Variants in CBFA2T2 observed in about 807,000 individuals in gnomAD.
The protein encoded by CBFA2T2 is CBFA2/RUNX1 partner transcriptional co-repressor 2.
A neutral mutation model predicts 62.2 loss-of-function variants in CBFA2T2; 11 were observed. The ratio of observed to expected loss-of-function variants is 0.18; its 90% CI spans 0.11 to 0.29. The LOEUF (loss-of-function observed/expected upper bound fraction) is 0.29. CBFA2T2 is among the 10% of genes least tolerant of loss of function. The probability of loss-of-function intolerance (pLI) is 1.00; values close to 1 mark genes in which losing one functional copy is unlikely to be tolerated. For synonymous variants in CBFA2T2, 295 were observed against 287.5 expected (o/e 1.03, Z -0.27); for missense variants, 592 against 774.1 (o/e 0.76, Z 2.79).
At chr20:33,597,719 C>T (rs2014951439) in intron 1 of CBFA2T2, among the ~76,000 whole-genome samples, 1 of 152,220 alleles carries the variant, frequency 6.6e-6, no homozygotes, top group South Asian at 2.1e-4. Context: ...TCTCAGCTCA[C>T]TGCAACCTCC....
intron 1 of CBFA2T2, among the ~76,000 whole-genome samples, chr20:33,605,323 C>G (rs948670864): frequency 6.6e-6 from 1 of 152,158 alleles, no homozygotes; most frequent in African/African-American, 2.4e-5. Context: ...CCATTTTTTA[C>G]ACTTTAATTT....
rs772410805 is a variant in CBFA2T2, at chr20:33,494,892, CTGTCCTAGGTATGTT to C, written c.34+4593_34+4607del. Reference sequence around the variant, plus strand: ...GGATTACAGGCATGAGCCACCACGCCTGTCCTAGGTATGTTTTATAACATACAAAAATAGACATTT... The same window carrying C: ...GGATTACAGGCATGAGCCACCACGCCTTATAACATACAAAAATAGACATTT... On this transcript the variant is annotated intron_variant, in intron 1 of 10. Transcript: ENST00000342704. Among the ~76,000 whole-genome samples, 317 of 152,296 alleles carry C rather than the reference CTGTCCTAGGTATGTT, an allele frequency of 2.1e-3. 1 individual carries two copies. Among genetic ancestry groups the C allele is most frequent in the Non-Finnish European group, 4.0e-3 (270 of 68,024 alleles).
intron 1 of CBFA2T2, among the ~76,000 whole-genome samples, chr20:33,494,128 G>C (rs1469388849): frequency 1.3e-5 from 2 of 150,694 alleles, no homozygotes; most frequent in South Asian, 4.2e-4. Flanking sequence ...TGATCCACCC[G>C]CCTTGGCATC....
chr20:33,605,468 C>A (rs1329749351), intron 1 of CBFA2T2, among the ~76,000 whole-genome samples: 1 of 152,146 alleles, frequency 6.6e-6, no homozygotes, highest in Non-Finnish European at 1.5e-5. Context: ...GTAACAAGTT[C>A]TCTTTGATAG....
intron 1 of CBFA2T2, among the ~76,000 whole-genome samples, chr20:33,603,437 A>G (rs937479442): frequency 1.3e-5 from 2 of 152,206 alleles, no homozygotes; most frequent in South Asian, 2.1e-4. Flanking sequence ...TTGGAAATGC[A>G]TGCTGTCATA....
At chr20:33,628,144 A>G (rs576274126) in intron 6 of CBFA2T2, among the ~76,000 whole-genome samples, 2 of 152,192 alleles carry the variant, frequency 1.3e-5, no homozygotes, top group African/African-American at 4.8e-5. Context: ...GTGTTTTACA[A>G]TTGATTTGTT....
chr20:33,639,589 A>G (rs1453717479), intron 9 of CBFA2T2: 1 of 149,508 alleles, frequency 6.7e-6, no homozygotes, highest in African/African-American at 2.5e-5. Context: ...AAAAAAAAGA[A>G]AATAAGTTCA....
intron 1 of CBFA2T2, among the ~76,000 whole-genome samples, chr20:33,563,578 C>G (rs2013170744): frequency 6.6e-6 from 1 of 151,960 alleles, no homozygotes; most frequent in Non-Finnish European, 1.5e-5. Context: ...TTTCCATGTT[C>G]TATGGAAAGA....
At chr20:33,534,877 A>C in intron 1 of CBFA2T2, among the ~76,000 whole-genome samples, 1 of 149,618 alleles carries the variant, frequency 6.7e-6, no homozygotes, top group Non-Finnish European at 1.5e-5. Flanking sequence ...AAGATCACTG[A>C]TCACAGATCA....
chr20:33,620,793 A>T (rs1601081278), intron 4 of CBFA2T2, among the ~76,000 whole-genome samples: 3 of 152,364 alleles, frequency 2.0e-5, no homozygotes, highest in Non-Finnish European at 4.4e-5. Flanking sequence ...GTGCCACTGC[A>T]CTCCAGCCTG....
rs1568884624 is a variant in CBFA2T2, at chr20:33,649,417, C to CAAAG, written c.*4773_*4776dup. On this transcript the variant is annotated 3_prime_UTR_variant, in exon 11 of 11. Coordinates refer to ENST00000342704, the MANE Select transcript of CBFA2T2 (RefSeq NM_001032999.3). ...CCTCGGGCATCGACGTGCTCATTTC[C>CAAAG]AAAGATGATGGTGCAGGTGACCTTT... 1 of 152,698 alleles carries CAAAG rather than the reference C, an allele frequency of 6.5e-6. No homozygotes were observed. The highest frequency in any genetic ancestry group is 2.4e-5 in the African/African-American group (1 of 41,462). The allele number at this position is 152,698 out of a possible 1,614,324, so 9.5% of individuals were successfully genotyped here. A position where few individuals can be genotyped will look rare whatever the true frequency, so the allele number is the denominator to read the frequency against.
At chr20:33,587,115 G>C (rs992509825) in intron 1 of CBFA2T2, among the ~76,000 whole-genome samples, 7 of 151,426 alleles carry the variant, frequency 4.6e-5, no homozygotes, top group Non-Finnish European at 8.8e-5. Flanking sequence ...CGAATTCGAT[G>C]GCATCTTTTT....
intron 1 of CBFA2T2, among the ~76,000 whole-genome samples, chr20:33,603,892 C>T (rs944025647): frequency 1.3e-5 from 2 of 152,130 alleles, no homozygotes; most frequent in African/African-American, 4.8e-5. Flanking sequence ...CCTACAGGGA[C>T]TTACTATAAT....
chr20:33,621,296 T>C (rs2015965248), intron 4 of CBFA2T2, among the ~76,000 whole-genome samples: 2 of 68,030 alleles, frequency 2.9e-5, no homozygotes, highest in African/African-American at 1.1e-4. Flanking sequence ...CCTTTTTTTT[T>C]TTTTTTTTTT....
rs869240464 is a variant in CBFA2T2, at chr20:33,642,116, TTGTGTGTGTGTGTGTG to T, written c.1488+1618_1488+1633del. Among the ~76,000 whole-genome samples the T allele has an allele frequency of 9.2e-3, 541 of 59,052 alleles. 3 individuals are homozygous for T. The highest frequency in any genetic ancestry group is 0.014 in the Non-Finnish European group (392 of 27,594). The allele number at this position is 59,052 out of a possible 152,430, so 38.7% of individuals were successfully genotyped here. On this transcript the variant is annotated intron_variant, in intron 10 of 10. Coordinates refer to ENST00000342704, the MANE Select transcript of CBFA2T2 (RefSeq NM_001032999.3). ...TCCTCCTCCTTTGTCTTTTTTTTTT[TTGTGTGTGTGTGTGTG>T]TGTGTGTGTGTGTGTGTGTGTGTGT...
chr20:33,521,389 C>G (rs995075014), intron 1 of CBFA2T2, among the ~76,000 whole-genome samples: 1 of 152,000 alleles, frequency 6.6e-6, no homozygotes, highest in African/African-American at 2.4e-5. Flanking sequence ...AAATTTCTTC[C>G]TGACATTTAT....
intron 3 of CBFA2T2, among the ~76,000 whole-genome samples, chr20:33,616,086 TAGA>T (rs2015698842): frequency 1.7e-5 from 2 of 116,820 alleles, no homozygotes; most frequent in Non-Finnish European, 3.6e-5. Context: ...TAGAGATAGA[TAGA>T]TAGATAGATA....
intron 1 of CBFA2T2, among the ~76,000 whole-genome samples, chr20:33,560,971 G>T (rs753491048): frequency 6.6e-6 from 1 of 151,912 alleles, no homozygotes; most frequent in Admixed American, 6.6e-5. Context: ...TCCACCTCCC[G>T]GGTTCAAGCA....
chr20:33,493,581 CCTCTTAT>C (rs1348087554), intron 1 of CBFA2T2, among the ~76,000 whole-genome samples: 2 of 152,138 alleles, frequency 1.3e-5, no homozygotes, highest in Non-Finnish European at 2.9e-5. Context: ...GCTTCTGCAG[CCTCTTAT>C]CTCTGGGGCT....
Sources: allele counts gnomAD v4.1 joint callset (sites outside exome capture counted in the v4.1 genomes callset), GRCh38; gene constraint gnomAD v4.1.1; transcripts MANE v1.5; gene names NCBI Gene and HGNC (gene_info 2026-07-23, HGNC 2026-07-21).